The following CBFA2T3 variants were observed in gnomAD, a reference collection of about 807,000 sequenced individuals.
CBFA2T3 encodes the protein transcriptional corepressor CBFA2T3.
In CBFA2T3, 31 loss-of-function variants were observed where a neutral mutation model predicts 58.6. The ratio of observed to expected loss-of-function variants is 0.53; its 90% CI spans 0.40 to 0.71. CBFA2T3 has a LOEUF of 0.71. Among genes scored for constraint, CBFA2T3 ranks in the 30% least tolerant of loss-of-function variants. The pLI, the probability that CBFA2T3 is intolerant of heterozygous loss-of-function variation, is 0.00. For missense variants in CBFA2T3, 1,076 were observed against 963.1 expected (o/e 1.12, Z -1.55); for synonymous variants, 531 against 421.9 (o/e 1.26, Z -3.17).
At chr16:88,901,201 G>A (rs1025574204) in intron 2 of CBFA2T3, among the ~76,000 whole-genome samples, 4 of 152,234 alleles carry the variant, frequency 2.6e-5, no homozygotes, top group African/African-American at 9.6e-5. Flanking sequence ...ACCCATGGCC[G>A]GCCCTGGTGA....
intron 1 of CBFA2T3, among the ~76,000 whole-genome samples, chr16:88,920,035 G>A (rs368783936): frequency 6.6e-6 from 1 of 152,248 alleles, no homozygotes; most frequent in African/African-American, 2.4e-5. Flanking sequence ...CTCTGCTCAA[G>A]GATTCAACCC....
intron 3 of CBFA2T3, among the ~76,000 whole-genome samples, chr16:88,896,184 C>G (rs1969880114): frequency 6.6e-6 from 1 of 152,190 alleles, no homozygotes; most frequent in South Asian, 2.1e-4. Context: ...AGATATGGCA[C>G]AAAACCTTGA....
chr16:88,881,099 C>T (rs781301305), intron 9 of CBFA2T3, 192 bp downstream of exon 9: 8 of 723,236 alleles, frequency 1.1e-5, no homozygotes, highest in Non-Finnish European at 1.7e-5. Flanking sequence ...GCCTCTGGCC[C>T]ACCAGACGCT....
intron 1 of CBFA2T3, among the ~76,000 whole-genome samples, chr16:88,956,754 A>G (rs921365121): frequency 1.3e-5 from 2 of 152,188 alleles, no homozygotes; most frequent in African/African-American, 2.4e-5. Context: ...GGGGGCTGGC[A>G]TCTGCTCCTC....
rs1224822659 is a variant in CBFA2T3, at chr16:88,967,919, GAAGGGA to G, written c.151+8732_151+8737del. 7.2e-5 allele frequency among the ~76,000 whole-genome samples: 11 copies of G among 152,392 alleles called. No homozygotes were observed. In the East Asian group the frequency reaches 1.9e-3, roughly 27 times the overall value. ...CCCTTGCAGCCAGAGGTAGGAAGTA[GAAGGGA>G]AAGAGGAGAGGTCGCTCTGTGGCCT... On this transcript the variant is annotated intron_variant, in intron 1 of 11. Transcript: ENST00000268679.
intron 1 of CBFA2T3, among the ~76,000 whole-genome samples, chr16:88,920,720 G>A (rs1970885941): frequency 6.6e-6 from 1 of 152,190 alleles, no homozygotes; most frequent in Non-Finnish European, 1.5e-5. Context: ...CTGCCTCCCC[G>A]TGGGGCAGCC....
At chr16:88,918,748 G>T (rs930017836) in intron 1 of CBFA2T3, among the ~76,000 whole-genome samples, 1 of 152,208 alleles carries the variant, frequency 6.6e-6, no homozygotes, top group Non-Finnish European at 1.5e-5. Flanking sequence ...TCCATGGCAG[G>T]TCACCCACAT....
At chr16:88,942,357 A>G (rs1971772721) in intron 1 of CBFA2T3, among the ~76,000 whole-genome samples, 1 of 152,352 alleles carries the variant, frequency 6.6e-6, no homozygotes, top group East Asian at 1.9e-4. Context: ...TAGGAGACAC[A>G]AGAGGCCAGA....
chr16:88,964,909 TATCC>T (rs56700700), intron 1 of CBFA2T3, among the ~76,000 whole-genome samples: 80,595 of 143,500 alleles, frequency 0.56, 23,373 homozygotes, highest in East Asian at 0.86. Context: ...TCTATCCACT[TATCC>T]ATCCATCCAT....
At chr16:88,967,622 T>C (rs1426288918) in intron 1 of CBFA2T3, among the ~76,000 whole-genome samples, 1 of 152,138 alleles carries the variant, frequency 6.6e-6, no homozygotes, top group Non-Finnish European at 1.5e-5. Flanking sequence ...GGAATTCCTT[T>C]CTATAAAGAA....
At chr16:88,902,077 C>T (rs1970120642) in intron 1 of CBFA2T3, among the ~76,000 whole-genome samples, 1 of 152,222 alleles carries the variant, frequency 6.6e-6, no homozygotes, top group Non-Finnish European at 1.5e-5. Flanking sequence ...GCAGGTCAGG[C>T]TGAGACCCAG....
At chr16:88,919,627 G>A (rs764532608) in intron 1 of CBFA2T3, among the ~76,000 whole-genome samples, 31 of 152,212 alleles carry the variant, frequency 2.0e-4, no homozygotes, top group Admixed American at 4.6e-4. Context: ...TGCAGGGCAA[G>A]CGCGGGTGTT....
intron 1 of CBFA2T3, among the ~76,000 whole-genome samples, chr16:88,920,103 C>T (rs557056083): frequency 6.6e-5 from 10 of 152,290 alleles, no homozygotes; most frequent in East Asian, 1.9e-4. Flanking sequence ...AAGGGTCAGG[C>T]GGTGTGCGCC....
At chr16:88,878,714 G>A (rs1326118301) in intron 11 of CBFA2T3, among the ~76,000 whole-genome samples, 1 of 152,232 alleles carries the variant, frequency 6.6e-6, no homozygotes, top group Non-Finnish European at 1.5e-5. Context: ...GGGATGCCGA[G>A]GCGGGTGGAT....
chr16:88,962,645 T>G (rs1297925311), intron 1 of CBFA2T3, among the ~76,000 whole-genome samples: 1 of 152,190 alleles, frequency 6.6e-6, no homozygotes, highest in South Asian at 2.1e-4. Flanking sequence ...TGGACCACGT[T>G]TCGGGGGGAG....
intron 1 of CBFA2T3, among the ~76,000 whole-genome samples, chr16:88,967,909 G>A (rs895663204): frequency 1.3e-5 from 2 of 152,266 alleles, no homozygotes; most frequent in Non-Finnish European, 2.9e-5. Flanking sequence ...GCAGCCAGAG[G>A]TAGGAAGTAG....
chr16:88,881,292 T>TA lies in CBFA2T3; in HGVS notation c.1400dup (p.Asp468ArgfsTer17). The TA allele has an allele frequency of 6.3e-7, 1 of 1,591,822 alleles. No individual in the cohort carries two copies. Among genetic ancestry groups the TA allele is most frequent in the Non-Finnish European group, 8.5e-7 (1 of 1,170,220 alleles). The stretch of plus-strand genomic sequence containing the variant: ...CCTCCCCCCACACCCCACACGCACC[T>TA]AGCTGAGGCCCTTCGGGACCGGCGG... On this transcript the variant is annotated frameshift_variant and splice_region_variant, in exon 9 of 12. Coordinates refer to ENST00000268679, the MANE Select transcript of CBFA2T3 (RefSeq NM_005187.6). LOFTEE classifies it high-confidence loss of function.
rs796301775 is a variant in CBFA2T3 at position 88,952,526 on chromosome 16, G to A, written c.151+24131C>T. On this transcript the variant is annotated intron_variant, in intron 1 of 11. Coordinates refer to ENST00000268679, the MANE Select transcript of CBFA2T3 (RefSeq NM_005187.6). ...AGACGGCTTTCAGCAAGACAAATGCGGCCCTGCCACTCCCTGACCGAGATA... is the reference window on the plus strand; with the variant it reads ...AGACGGCTTTCAGCAAGACAAATGCAGCCCTGCCACTCCCTGACCGAGATA... 1.1e-4 allele frequency among the ~76,000 whole-genome samples: 17 copies of A among 152,022 alleles called. No homozygotes were observed. In the East Asian group the frequency reaches 2.3e-3, roughly 21 times the overall value.
intron 1 of CBFA2T3, among the ~76,000 whole-genome samples, chr16:88,933,902 G>T (rs1971397573): frequency 6.6e-6 from 1 of 152,112 alleles, no homozygotes; most frequent in Non-Finnish European, 1.5e-5. Context: ...GAGGACAGAG[G>T]CGAGACCCCA....
Sources: gnomAD v4.1 joint callset for allele counts (sites outside exome capture counted in the v4.1 genomes callset) on GRCh38, gnomAD v4.1.1 for gene constraint, MANE v1.5 for transcripts, NCBI Gene and HGNC (gene_info 2026-07-23, HGNC 2026-07-21) for gene names.